The following SLC4A4 variants were observed in gnomAD, a reference collection of about 807,000 sequenced individuals.
SLC4A4 encodes the protein solute carrier family 4 member 4, also known as electrogenic sodium bicarbonate cotransporter 1.
Under a neutral mutation model 111.5 loss-of-function variants are expected in SLC4A4, and 27 were observed. The observed-to-expected ratio is 0.24, with a 90% CI of 0.18 to 0.33. SLC4A4 has a LOEUF of 0.33. Ranked by LOEUF, SLC4A4 falls within the 10% of genes least tolerant of loss-of-function variation. The pLI is 1.00. For synonymous variants in SLC4A4, 443 were observed against 463.4 expected, an observed-to-expected ratio of 0.96 and a Z score of 0.57; for missense variants, 909 against 1,315.5, an observed-to-expected ratio of 0.69 and a Z score of 4.78.
chr4:71,092,829 G>T (rs566806861), intron 2 of SLC4A4, among the ~76,000 whole-genome samples: 1 of 152,202 alleles, frequency 6.6e-6, no homozygotes, highest in Non-Finnish European at 1.5e-5. Context: ...GGGTACAGTG[G>T]CTCACGCCTG....
At chr4:71,424,965 G>C (rs542441071) in intron 7 of SLC4A4, among the ~76,000 whole-genome samples, 1 of 151,800 alleles carries the variant, frequency 6.6e-6, no homozygotes, top group Non-Finnish European at 1.5e-5. Context: ...CCTTGTGCAC[G>C]TGTACCCTAA....
intron 3 of SLC4A4, among the ~76,000 whole-genome samples, chr4:71,281,473 C>T (rs1403759959): frequency 5.3e-5 from 8 of 152,106 alleles, no homozygotes; most frequent in Admixed American, 6.5e-5. Flanking sequence ...GTATGAGCCC[C>T]GGTTTTCTCC....
chr4:71,065,293 C>G (rs1741487955), intron 1 of SLC4A4, among the ~76,000 whole-genome samples: 2 of 152,060 alleles, frequency 1.3e-5, no homozygotes, highest in African/African-American at 2.4e-5. Context: ...TCTGATTGTA[C>G]TGTTAAGTTA....
chr4:71,179,165 T>G (rs1745199269), intron 2 of SLC4A4, among the ~76,000 whole-genome samples: 1 of 152,192 alleles, frequency 6.6e-6, no homozygotes. Context: ...TGCTTCATGC[T>G]AAAAACTCTC....
chr4:71,444,170 G>A (rs974945931), intron 8 of SLC4A4, among the ~76,000 whole-genome samples: 13 of 152,158 alleles, frequency 8.5e-5, no homozygotes, highest in African/African-American at 3.1e-4. Flanking sequence ...ACATCAAGTG[G>A]TTTAGGAAGG....
At chr4:71,192,742 CA>C (rs750835424) in intron 1 of SLC4A4, among the ~76,000 whole-genome samples, 10 of 152,158 alleles carry the variant, frequency 6.6e-5, no homozygotes, top group Admixed American at 4.6e-4. Context: ...ATCATACCAT[CA>C]GTGGACATCT....
At chr4:71,109,481 C>G (rs139175479) in intron 2 of SLC4A4, among the ~76,000 whole-genome samples, 46 of 152,170 alleles carry the variant, frequency 3.0e-4, no homozygotes, top group Admixed American at 7.9e-4. Context: ...AGGCAGCAAT[C>G]AACGATTGGA....
At chr4:71,362,405 A>G (rs1479754262) in intron 6 of SLC4A4, among the ~76,000 whole-genome samples, 2 of 152,256 alleles carry the variant, frequency 1.3e-5, no homozygotes, top group African/African-American at 4.8e-5. Flanking sequence ...GAAAAGTAAG[A>G]AGAAATGTAT....
intron 6 of SLC4A4, among the ~76,000 whole-genome samples, chr4:71,381,576 G>C (rs1578967957): frequency 1.3e-5 from 2 of 152,040 alleles, no homozygotes; most frequent in East Asian, 3.9e-4. Flanking sequence ...AGAGTTTTGG[G>C]GAGTATACTA....
In SLC4A4 at chr4:71,231,593, A is replaced by G. The variant is rs993410287; in HGVS notation, c.-1-4983A>G. 3.3e-5 allele frequency among the ~76,000 whole-genome samples: 5 copies of G among 152,214 alleles called. No individual in the cohort carries two copies. The South Asian group carries it at 6.2e-4, about 19-fold the overall frequency. On this transcript the variant is annotated intron_variant, in intron 1 of 25. Coordinates refer to ENST00000264485, the MANE Select transcript of SLC4A4 (RefSeq NM_001098484.3). ...GTCAGAGGCCTGGCTGAAGGAAGGC[A>G]TTATTGGCCCTGAGTGGATTTTATA... is the stretch of plus-strand genomic sequence containing the variant.
intron 2 of SLC4A4, among the ~76,000 whole-genome samples, chr4:71,174,036 T>G (rs1215153151): frequency 6.6e-6 from 1 of 152,182 alleles, no homozygotes; most frequent in South Asian, 2.1e-4. Context: ...AGTTGCCAGA[T>G]AGCAGAAACT....
chr4:71,075,989 A>ATAAC (rs1741804548), intron 1 of SLC4A4, among the ~76,000 whole-genome samples: 2 of 151,032 alleles, frequency 1.3e-5, no homozygotes, highest in Non-Finnish European at 2.9e-5. Flanking sequence ...AAATAAATAA[A>ATAAC]TAAATAAATA....
chr4:71,355,024 A>G (rs1730162374), intron 5 of SLC4A4, among the ~76,000 whole-genome samples: 1 of 152,228 alleles, frequency 6.6e-6, no homozygotes. Context: ...TTTGTCGTTT[A>G]TACTTAAAGA....
At chr4:71,440,141 T>C (rs1478053068) in intron 7 of SLC4A4, among the ~76,000 whole-genome samples, 1 of 152,102 alleles carries the variant, frequency 6.6e-6, no homozygotes, top group Admixed American at 6.6e-5. Context: ...TCTAAGATAG[T>C]ACCTTTTTTA....
chr4:71,352,836 A>G (rs1402413354), intron 5 of SLC4A4, among the ~76,000 whole-genome samples: 6 of 152,250 alleles, frequency 3.9e-5, no homozygotes, highest in African/African-American at 1.4e-4. Context: ...ACGGGAGACA[A>G]GATTCCAAAT....
At chr4:71,102,801 A>G (rs1468027248) in intron 2 of SLC4A4, among the ~76,000 whole-genome samples, 1 of 151,954 alleles carries the variant, frequency 6.6e-6, no homozygotes. Context: ...AACCGGTACC[A>G]GCTGCTGCAA....
intron 6 of SLC4A4, among the ~76,000 whole-genome samples, chr4:71,378,002 C>T (rs576245600): frequency 6.6e-6 from 1 of 152,080 alleles, no homozygotes; most frequent in East Asian, 1.9e-4. Context: ...AAGCAGAAAC[C>T]CCTGATAAAC....
chr4:71,355,683 A>C (rs991826735), intron 5 of SLC4A4, among the ~76,000 whole-genome samples: 7 of 152,216 alleles, frequency 4.6e-5, no homozygotes, highest in Non-Finnish European at 7.3e-5. Flanking sequence ...GTTTCTAGCT[A>C]TAGGCTGTGA....
intron 23 of SLC4A4, among the ~76,000 whole-genome samples, chr4:71,561,827 A>G (rs557387358): frequency 1.1e-4 from 17 of 152,002 alleles, no homozygotes; most frequent in African/African-American, 3.6e-4. Flanking sequence ...TGCCTGAAAT[A>G]TTAAAATAAT....
Sources: gnomAD v4.1 joint callset for allele counts (sites outside exome capture counted in the v4.1 genomes callset) on GRCh38, gnomAD v4.1.1 for gene constraint, MANE v1.5 for transcripts, NCBI Gene and HGNC (gene_info 2026-07-23, HGNC 2026-07-21) for gene names.